Variants in ALCAM observed in about 807,000 individuals in gnomAD.
ALCAM encodes CD166 antigen.
A neutral mutation model predicts 70.9 loss-of-function variants in ALCAM; 30 were observed. The ratio of observed to expected loss-of-function variants is 0.42; its 90% confidence interval spans 0.32 to 0.57. The LOEUF is 0.57. ALCAM is among the 20% of genes least tolerant of loss of function. The pLI, the probability that ALCAM is intolerant of heterozygous loss-of-function variation, is 0.11. For synonymous variants in ALCAM, 249 were observed against 242.5 expected, an observed-to-expected ratio of 1.03 and a Z score of -0.25; for missense variants, 591 against 695.1, an observed-to-expected ratio of 0.85 and a Z score of 1.68.
In ALCAM at chr3:105,545,310, G is replaced by A. The variant is rs1940218116; in HGVS notation, c.1079G>A (p.Arg360Lys). ...LPVSCTISAS[R>K]NATVVWMKDN... ...GTGTCATGCACAATATCTGCTAGCAGGAATGCAACTGTGGTATGGATGAAA... is the reference window on the plus strand; with the variant it reads ...GTGTCATGCACAATATCTGCTAGCAAGAATGCAACTGTGGTATGGATGAAA... The change falls in exon 9 of 16, where the codon AGG becomes AAG. Residue 360 changes from arginine (R) to lysine (K), a missense_variant. Physicochemically the swap from Arg to Lys is conservative, Grantham distance 26. This residue lies in a region of ALCAM where 427 missense variants were observed against 450.4 expected (regional missense o/e 0.95). Transcript: ENST00000306107. The A allele has an allele frequency of 1.2e-6, 2 of 1,608,120 alleles. No individual in the cohort carries two copies. Among genetic ancestry groups the A allele is most frequent in the South Asian group, 2.2e-5 (2 of 90,994 alleles).
intron 1 of ALCAM, among the ~76,000 whole-genome samples, chr3:105,479,799 T>C (rs896879910): frequency 6.6e-6 from 1 of 152,142 alleles, no homozygotes; most frequent in African/African-American, 2.4e-5. Flanking sequence ...AGCCATTCCC[T>C]ATGAACTTAC....
chr3:105,548,461 A>G (rs1940308398), intron 11 of ALCAM, among the ~76,000 whole-genome samples: 2 of 151,422 alleles, frequency 1.3e-5, no homozygotes, highest in South Asian at 2.1e-4. Context: ...GAAGACATAT[A>G]TAAAGCAAAG....
rs953822868 is a variant in ALCAM at position 105,524,431 on chromosome 3, G to C, written c.317G>C (p.Ser106Thr). ...YTLSISNARI[S>T]DEKRFVCMLV... Reference sequence around the variant, plus strand: ...TTGTCTATCAGTAATGCAAGGATCAGTGATGAAAAGAGATTTGTGTGCATG... The same window carrying C: ...TTGTCTATCAGTAATGCAAGGATCACTGATGAAAAGAGATTTGTGTGCATG... Residue 106 changes from serine (S) to threonine (T), a missense_variant, in exon 3 of 16, where the codon AGT becomes ACT. This residue lies in a region of ALCAM where 427 missense variants were observed against 450.4 expected (regional missense o/e 0.95). Coordinates refer to ENST00000306107, the MANE Select transcript of ALCAM (RefSeq NM_001627.4). 3 of 1,614,014 alleles carry C rather than the reference G, an allele frequency of 1.9e-6. No homozygotes were observed. The African/African-American group carries it at 4.0e-5, about 22-fold the overall frequency.
chr3:105,503,343 T>C (rs1938975387), intron 1 of ALCAM, among the ~76,000 whole-genome samples: 2 of 152,218 alleles, frequency 1.3e-5, no homozygotes, highest in Non-Finnish European at 2.9e-5. Flanking sequence ...AGACTTGGTA[T>C]TAGCTGTTTT....
chr3:105,400,150 C>T (rs1162149879), intron 1 of ALCAM, among the ~76,000 whole-genome samples: 1 of 152,074 alleles, frequency 6.6e-6, no homozygotes, highest in Non-Finnish European at 1.5e-5. Flanking sequence ...TGCTTTTAAA[C>T]ATACACAGGA....
intron 14 of ALCAM, chr3:105,552,907 G>T: frequency 9.3e-7 from 1 of 1,072,398 alleles, no homozygotes; most frequent in Non-Finnish European, 1.1e-6. Flanking sequence ...TAGACTTTTT[G>T]GTTGAAGTTG....
intron 1 of ALCAM, among the ~76,000 whole-genome samples, chr3:105,450,630 T>C (rs1482075815): frequency 2.0e-5 from 3 of 152,222 alleles, no homozygotes; most frequent in Non-Finnish European, 4.4e-5. Context: ...TTGAGTACTT[T>C]TAATTTGCCA....
At chr3:105,447,296 A>C (rs1284780714) in intron 1 of ALCAM, among the ~76,000 whole-genome samples, 1 of 152,208 alleles carries the variant, frequency 6.6e-6, no homozygotes, top group Non-Finnish European at 1.5e-5. Context: ...AAAAATTAGA[A>C]TGTTGAGCTA....
In ALCAM at chr3:105,575,761, A is replaced by C. The variant is rs761213879; in HGVS notation, c.*1310A>C. The C allele has an allele frequency of 6.6e-6, 1 of 152,186 alleles. No individual in the cohort carries two copies. The highest frequency in any genetic ancestry group is 1.5e-5 in the Non-Finnish European group (1 of 68,032). The allele number at this position is 152,186 out of a possible 1,614,324, so 9.4% of individuals were successfully genotyped here. A position where few individuals can be genotyped will look rare whatever the true frequency, so the allele number is the denominator to read the frequency against. On this transcript the variant is annotated 3_prime_UTR_variant, in exon 16 of 16. Transcript: ENST00000306107. ...GCAGAAGCCTGGTTTCTGGGAGAACACTGCACAGCGATTTCTTTCCCAGGA... is the reference window on the plus strand; with the variant it reads ...GCAGAAGCCTGGTTTCTGGGAGAACCCTGCACAGCGATTTCTTTCCCAGGA...
chr3:105,422,410 T>A (rs1936691301), intron 1 of ALCAM, among the ~76,000 whole-genome samples: 1 of 151,250 alleles, frequency 6.6e-6, no homozygotes, highest in Non-Finnish European at 1.5e-5. Context: ...AGGCAGAAAT[T>A]TTTTTTTACT....
chr3:105,433,665 T>A (rs1202948784), intron 1 of ALCAM, among the ~76,000 whole-genome samples: 2 of 150,052 alleles, frequency 1.3e-5, no homozygotes, highest in African/African-American at 4.9e-5. Context: ...TTAAGATCAA[T>A]GCAGTTTTTT....
chr3:105,444,233 G>A (rs1046235336), intron 1 of ALCAM, among the ~76,000 whole-genome samples: 1 of 152,142 alleles, frequency 6.6e-6, no homozygotes, highest in African/African-American at 2.4e-5. Context: ...CCCAAGACTG[G>A]GTAATTTATC....
intron 1 of ALCAM, among the ~76,000 whole-genome samples, chr3:105,455,439 C>T (rs1404592410): frequency 1.5e-5 from 1 of 67,574 alleles, no homozygotes; most frequent in East Asian, 1.2e-3. Flanking sequence ...GCGACACCGT[C>T]TCAAAAAAAA....
At chr3:105,452,536 C>T (rs1576172429) in intron 1 of ALCAM, among the ~76,000 whole-genome samples, 1 of 152,120 alleles carries the variant, frequency 6.6e-6, no homozygotes, top group Non-Finnish European at 1.5e-5. Context: ...AGTAAACATA[C>T]TTGTGCATGT....
intron 1 of ALCAM, among the ~76,000 whole-genome samples, chr3:105,462,428 A>G (rs1428480513): frequency 1.3e-5 from 2 of 151,572 alleles, no homozygotes; most frequent in African/African-American, 2.4e-5. Flanking sequence ...ATAAAGAAAT[A>G]ATATACATGT....
chr3:105,528,854 C>A (rs1359375992), intron 3 of ALCAM, among the ~76,000 whole-genome samples: 1 of 152,182 alleles, frequency 6.6e-6, no homozygotes, highest in East Asian at 1.9e-4. Flanking sequence ...ATGTAACAAA[C>A]CTGCATTTGT....
intron 11 of ALCAM, among the ~76,000 whole-genome samples, chr3:105,548,636 C>T (rs1284504760): frequency 2.0e-5 from 3 of 151,212 alleles, no homozygotes; most frequent in African/African-American, 4.8e-5. Flanking sequence ...TATGGAAAGC[C>T]CTCAAAAGAG....
At chr3:105,563,378 T>TA (rs397762690) in intron 14 of ALCAM, among the ~76,000 whole-genome samples, 12 of 151,436 alleles carry the variant, frequency 7.9e-5, no homozygotes, top group African/African-American at 2.4e-4. Flanking sequence ...TTGCTTTTTT[T>TA]ATCTCTATTG....
chr3:105,427,634 C>T (rs1936823558), intron 1 of ALCAM, among the ~76,000 whole-genome samples: 1 of 151,890 alleles, frequency 6.6e-6, no homozygotes, highest in Admixed American at 6.6e-5. Flanking sequence ...GCTCTTAACC[C>T]CTGAGCTTCC....
Sources: allele counts gnomAD v4.1 joint callset (sites outside exome capture counted in the v4.1 genomes callset), GRCh38; gene constraint gnomAD v4.1.1; regional missense constraint gnomAD v4.1.1; transcripts MANE v1.5; gene names NCBI Gene and HGNC (gene_info 2026-07-23, HGNC 2026-07-21).